GABRB1: variants seen among roughly 807,000 people sequenced by gnomAD.
GABRB1 encodes gamma-aminobutyric acid type A receptor subunit beta1, also known as gamma-aminobutyric acid receptor subunit beta-1.
A neutral mutation model predicts 51.6 loss-of-function variants in GABRB1; 17 were observed. The observed-to-expected ratio is 0.33, with a 90% CI of 0.23 to 0.49. The LOEUF (loss-of-function observed/expected upper bound fraction) is 0.49. Among genes scored for constraint, GABRB1 ranks in the 20% least tolerant of loss-of-function variants. GABRB1 has a pLI of 0.99. For synonymous variants in GABRB1, 247 were observed against 218.9 expected (o/e 1.13, Z -1.14); for missense variants, 410 against 600.6 (o/e 0.68, Z 3.32).
At chr4:47,356,106 T>C (rs1017641549) in intron 5 of GABRB1, among the ~76,000 whole-genome samples, 2 of 152,148 alleles carry the variant, frequency 1.3e-5, no homozygotes, top group African/African-American at 4.8e-5. Context: ...ATGAATTAAT[T>C]GGATGGATGA....
intron 4 of GABRB1, among the ~76,000 whole-genome samples, chr4:47,264,770 C>T (rs1330505490): frequency 6.6e-6 from 1 of 152,140 alleles, no homozygotes; most frequent in Non-Finnish European, 1.5e-5. Context: ...AGAACTTTTC[C>T]ATCACCCCCA....
rs1727411814 is a variant in GABRB1 at position 47,377,121 on chromosome 4, G to GTGAA, written c.545-26194_545-26191dup. On this transcript the variant is annotated intron_variant, in intron 5 of 8. Coordinates refer to ENST00000295454, the MANE Select transcript of GABRB1 (RefSeq NM_000812.4). ...AGTGCTTGAACATAGTAGATACGCA[G>GTGAA]TGAATGTGTTTGGAGTTGTGCGTTT... is the stretch of plus-strand genomic sequence containing the variant. Among the ~76,000 whole-genome samples, 5 of 152,174 alleles carry GTGAA rather than the reference G, an allele frequency of 3.3e-5. No homozygotes were observed. The South Asian group carries it at 1.0e-3, about 31-fold the overall frequency.
chr4:47,317,598 T>C (rs1017483488), intron 4 of GABRB1, among the ~76,000 whole-genome samples: 1 of 151,952 alleles, frequency 6.6e-6, no homozygotes, highest in Non-Finnish European at 1.5e-5. Flanking sequence ...AACTTGAAAA[T>C]TCCTTTTGCT....
intron 3 of GABRB1, among the ~76,000 whole-genome samples, chr4:47,036,784 C>T (rs908633558): frequency 6.6e-6 from 1 of 151,734 alleles, no homozygotes; most frequent in Non-Finnish European, 1.5e-5. Flanking sequence ...ATCACTTGAA[C>T]CCAGGAGGCT....
At chr4:47,388,747 G>A (rs1442646836) in intron 5 of GABRB1, among the ~76,000 whole-genome samples, 1 of 152,120 alleles carries the variant, frequency 6.6e-6, no homozygotes, top group Admixed American at 6.6e-5. Flanking sequence ...AAGCAAACTG[G>A]AAACTGTGAG....
rs557439684 is a variant in GABRB1, at chr4:47,294,499, A to T, written c.462-25628A>T. ...GGGTCCTACGCCCACAGTCTCGCTC[A>T]TTGCTAGCACAGCAGTCTGAGATCA... On this transcript the variant is annotated intron_variant, in intron 4 of 8. Transcript: ENST00000295454. 1.6e-4 allele frequency among the ~76,000 whole-genome samples: 24 copies of T among 152,326 alleles called. 1 individual carries two copies. The South Asian group carries it at 5.0e-3, about 32-fold the overall frequency.
At chr4:47,400,012 G>C (rs116559240) in intron 5 of GABRB1, among the ~76,000 whole-genome samples, 1 of 151,914 alleles carries the variant, frequency 6.6e-6, no homozygotes, top group Non-Finnish European at 1.5e-5. Flanking sequence ...ATGGCTCCTC[G>C]TCTATATAAC....
intron 4 of GABRB1, among the ~76,000 whole-genome samples, chr4:47,269,807 C>T (rs537285099): frequency 1.3e-5 from 2 of 152,170 alleles, no homozygotes; most frequent in Non-Finnish European, 2.9e-5. Context: ...AGCTGAGATG[C>T]AAGAGGAACT....
At chr4:47,029,915 T>C (rs1725233095), upstream of GABRB1, among the ~76,000 whole-genome samples, 1 of 152,112 alleles carries the variant, frequency 6.6e-6, no homozygotes, top group Non-Finnish European at 1.5e-5. Context: ...AGTTTCTATA[T>C]AGCACAATAA....
intron 4 of GABRB1, among the ~76,000 whole-genome samples, chr4:47,242,895 A>T (rs1007425809): frequency 6.6e-6 from 1 of 152,076 alleles, no homozygotes; most frequent in African/African-American, 2.4e-5. Context: ...GTTTAATTAG[A>T]TCCCATTTGT....
At chr4:47,328,252 T>G (rs914513742) in intron 5 of GABRB1, among the ~76,000 whole-genome samples, 2 of 152,046 alleles carry the variant, frequency 1.3e-5, no homozygotes, top group African/African-American at 2.4e-5. Context: ...TTTTCTCCCA[T>G]TCTGTAGGTT....
chr4:47,021,350 G>C (rs1724922933), intron 1 of GABRB1, among the ~76,000 whole-genome samples: 1 of 152,074 alleles, frequency 6.6e-6, no homozygotes, highest in Non-Finnish European at 1.5e-5. Context: ...ATTTTCCTCA[G>C]AGCACTTTGA....
intron 5 of GABRB1, among the ~76,000 whole-genome samples, chr4:47,399,112 T>C (rs529329505): frequency 7.4e-4 from 113 of 152,342 alleles, no homozygotes; most frequent in South Asian, 4.6e-3. Context: ...TATTGAATAA[T>C]GTTTTTTGCT....
chr4:47,422,609 T>G (rs1729127031), intron 8 of GABRB1, among the ~76,000 whole-genome samples: 1 of 152,162 alleles, frequency 6.6e-6, no homozygotes. Flanking sequence ...AAGATGTTAT[T>G]TGTTCTCTAC....
In GABRB1 at chr4:47,003,061, C is replaced by T. The variant is rs1180950022; in HGVS notation, c.-20+9135C>T. Reference sequence around the variant, plus strand: ...TGGATAGCATAAGACTCCCAAATCACTCCTATTTGCTTTATAATAAAAAAA... The same window carrying T: ...TGGATAGCATAAGACTCCCAAATCATTCCTATTTGCTTTATAATAAAAAAA... On this transcript the variant is annotated intron_variant, in intron 1 of 3. Transcript: ENST00000513567. Among the ~76,000 whole-genome samples the T allele has an allele frequency of 2.9e-5, 4 of 139,968 alleles. No homozygotes were observed. In the East Asian group the frequency reaches 6.2e-4, roughly 22 times the overall value. The allele number at this position is 139,968 out of a possible 152,430, so 91.8% of individuals were successfully genotyped here.
At position 46,996,711 on chromosome 4, in the gene GABRB1, T is replaced by C. The variant is rs73813770; in HGVS notation, c.-20+2785T>C. 2.0e-3 allele frequency among the ~76,000 whole-genome samples: 308 copies of C among 152,310 alleles called. 2 individuals carry two copies. Among genetic ancestry groups the C allele is most frequent in the African/African-American group, 6.8e-3 (281 of 41,600 alleles). Reference sequence around the variant, plus strand: ...ATTTTATAAGCTTCCCCATTGCCAGTTTCTATAGACTGTCATGTAGATTGT... The same window carrying C: ...ATTTTATAAGCTTCCCCATTGCCAGCTTCTATAGACTGTCATGTAGATTGT... On this transcript the variant is annotated intron_variant, in intron 1 of 3. Coordinates refer to the GABRB1 transcript ENST00000513567.
Position 47,106,488 on chromosome 4 carries a change from T to C in GABRB1, c.241-54761T>C, listed in dbSNP as rs545129357. 4.4e-4 allele frequency among the ~76,000 whole-genome samples: 67 copies of C among 152,218 alleles called. No homozygotes were observed. The South Asian group carries it at 9.3e-3, about 21-fold the overall frequency. ...TTAACTTAAGCTTCATTATATACAA[T>C]TACAGATGACTTACAGGAGAGTTGT... On this transcript the variant is annotated intron_variant, in intron 3 of 8. Coordinates refer to ENST00000295454, the MANE Select transcript of GABRB1 (RefSeq NM_000812.4).
chr4:47,393,237 C>T (rs1466884609), intron 5 of GABRB1, among the ~76,000 whole-genome samples: 1 of 152,158 alleles, frequency 6.6e-6, no homozygotes, highest in East Asian at 1.9e-4. Flanking sequence ...GGAGTCATTG[C>T]TAGTGGCTCA....
intron 3 of GABRB1, among the ~76,000 whole-genome samples, chr4:47,056,403 T>A (rs1726605546): frequency 6.6e-6 from 1 of 152,202 alleles, no homozygotes; most frequent in South Asian, 2.1e-4. Flanking sequence ...TTTCCCAACC[T>A]TTCATACCAA....
Sources: gnomAD v4.1 joint callset for allele counts (sites outside exome capture counted in the v4.1 genomes callset) on GRCh38, gnomAD v4.1.1 for gene constraint, MANE v1.5 for transcripts, NCBI Gene and HGNC (gene_info 2026-07-23, HGNC 2026-07-21) for gene names.